The following CACNA2D4 variants were observed in gnomAD, a reference collection of about 807,000 sequenced individuals.
CACNA2D4 encodes calcium voltage-gated channel auxiliary subunit alpha2delta 4.
CACNA2D4 carries 157 observed loss-of-function variants against 163.8 expected under a neutral mutation model. That is an observed-to-expected ratio of 0.96 (90% CI 0.84 to 1.09). CACNA2D4 has a LOEUF of 1.09. CACNA2D4 is among the 50% of genes least tolerant of loss of function. The pLI, the probability that CACNA2D4 is intolerant of heterozygous loss-of-function variation, is 0.00. For missense variants in CACNA2D4, 1,410 were observed against 1,479.9 expected (o/e 0.95, Z 0.78); for synonymous variants, 598 against 586.9 (o/e 1.02, Z -0.27).
At chr12:1,904,255 G>C (rs1866604367) in intron 6 of CACNA2D4, among the ~76,000 whole-genome samples, 1 of 151,714 alleles carries the variant, frequency 6.6e-6, no homozygotes, top group African/African-American at 2.4e-5. Flanking sequence ...GAAGTGGGAT[G>C]GTTAATGGGT....
intron 23 of CACNA2D4, among the ~76,000 whole-genome samples, chr12:1,853,198 C>G (rs1158796941): frequency 6.6e-5 from 10 of 152,076 alleles, no homozygotes; most frequent in Non-Finnish European, 1.3e-4. Flanking sequence ...TAGATGTTAT[C>G]TATATAATCC....
intron 23 of CACNA2D4, among the ~76,000 whole-genome samples, chr12:1,847,511 G>C (rs1865173992): frequency 6.6e-6 from 1 of 152,170 alleles, no homozygotes; most frequent in Non-Finnish European, 1.5e-5. Flanking sequence ...AAATCACTGA[G>C]GGAAAGGGTC....
Position 1,882,916 on chromosome 12 carries a change from A to G in CACNA2D4, c.1436T>C (p.Ile479Thr), listed in dbSNP as rs756823706. The G allele has an allele frequency of 1.2e-6, 2 of 1,613,566 alleles. No individual in the cohort carries two copies. The highest frequency in any genetic ancestry group is 1.7e-6 in the Non-Finnish European group (2 of 1,179,764). ...YLHVLSRPMVINHDHDIIWTE... is the reference protein window; with the variant it reads ...YLHVLSRPMVTNHDHDIIWTE... ...CCAGATGATGTCGTGGTCGTGGTTGATGACCATGGGGCGGCTGAGCACGTG... is the reference window on the plus strand; with the variant it reads ...CCAGATGATGTCGTGGTCGTGGTTGGTGACCATGGGGCGGCTGAGCACGTG... Residue 479 changes from isoleucine (I) to threonine (T), a missense_variant, in exon 13 of 38, where the codon ATC (isoleucine) becomes ACC (threonine). Physicochemically the swap from Ile to Thr is moderately conservative, Grantham distance 89. Coordinates refer to ENST00000382722, the MANE Select transcript of CACNA2D4 (RefSeq NM_172364.5).
rs576466532 is a variant in CACNA2D4 at position 1,884,496 on chromosome 12, C to T, written c.1273-175G>A. Among the ~76,000 whole-genome samples, 19 of 152,258 alleles carry T rather than the reference C, an allele frequency of 1.2e-4. No homozygotes were observed. The South Asian group carries it at 2.7e-3, about 22-fold the overall frequency. On this transcript the variant is annotated intron_variant, in intron 11 of 37. Transcript: ENST00000382722. ...AATTCGCCCAGGGCCATGGGGACTG[C>T]GGGTAGGTGCAAGGCTGAGATTTAC...
At chr12:1,813,920 C>G (rs184541479) in intron 26 of CACNA2D4, among the ~76,000 whole-genome samples, 4 of 152,310 alleles carry the variant, frequency 2.6e-5, no homozygotes, top group Admixed American at 6.5e-5. Context: ...ATGTGCCCCT[C>G]TAAGGTTGCG....
At chr12:1,813,532 ATTAAC>A (rs1448208227) in intron 26 of CACNA2D4, among the ~76,000 whole-genome samples, 2 of 152,300 alleles carry the variant, frequency 1.3e-5, no homozygotes, top group Admixed American at 1.3e-4. Context: ...GTTAATTTTA[ATTAAC>A]TTAAATTTAA....
Position 1,802,653 on chromosome 12 carries a change from G to A in CACNA2D4, c.2722-1009C>T, listed in dbSNP as rs953826090. On this transcript the variant is annotated intron_variant, in intron 29 of 37. Transcript: ENST00000382722. The surrounding 1 kb of genome is among the most constrained non-coding windows in gnomAD (Gnocchi z 4.7). Reference sequence around the variant, plus strand: ...TAAAAATTGGGGATAGCGTGTGTCCGGCGTGTGGCTCCCAGTAAATACTTG... The same window carrying A: ...TAAAAATTGGGGATAGCGTGTGTCCAGCGTGTGGCTCCCAGTAAATACTTG... Among the ~76,000 whole-genome samples, 4 of 152,222 alleles carry A rather than the reference G, an allele frequency of 2.6e-5. No individual in the cohort carries two copies. The highest frequency in any genetic ancestry group is 3.8e-4 in the East Asian group (2 of 5,204).
chr12:1,911,008 T>C (rs1036214344), intron 3 of CACNA2D4, among the ~76,000 whole-genome samples: 1 of 150,870 alleles, frequency 6.6e-6, no homozygotes, highest in African/African-American at 2.5e-5. Context: ...CACCTGTATT[T>C]TACCGCAATA....
Position 1,907,547 on chromosome 12 carries a change from T to C in CACNA2D4, c.674A>G (p.Tyr225Cys), listed in dbSNP as rs1460777510. The C allele has an allele frequency of 2.5e-6, 4 of 1,613,040 alleles. No homozygotes were observed. The highest frequency in any genetic ancestry group is 2.5e-6 in the Non-Finnish European group (3 of 1,179,162). The change falls in exon 6 of 38, where the codon TAC (tyrosine) becomes TGC (cysteine). Residue 225 changes from tyrosine to cysteine, a missense_variant. Physicochemically the swap from Tyr to Cys is radical, Grantham distance 194. Coordinates refer to ENST00000382722, the MANE Select transcript of CACNA2D4 (RefSeq NM_172364.5). ...NKDPDILNGV[Y>C]MSEALNAVFV... ...GACAGCATTCAAGGCTTCAGACATGTAGACTCCATTTAAAATATCTGGGTC... is the reference window on the plus strand; with the variant it reads ...GACAGCATTCAAGGCTTCAGACATGCAGACTCCATTTAAAATATCTGGGTC...
chr12:1,833,030 C>T lies in CACNA2D4; in HGVS notation c.2551+7709G>A, dbSNP rs112289389. On this transcript the variant is annotated intron_variant, in intron 26 of 37. Coordinates refer to ENST00000382722, the MANE Select transcript of CACNA2D4 (RefSeq NM_172364.5). The surrounding 1 kb of genome is among the most constrained non-coding windows in gnomAD (Gnocchi z 4.2). ...TGTCAGCCGCACAGGGGAACTAGGC[C>T]GGGTGTCTTCAGACCCTCCTCTCCT... 5.7e-3 allele frequency among the ~76,000 whole-genome samples: 868 copies of T among 152,246 alleles called. 4 individuals are homozygous for T. Among genetic ancestry groups the T allele is most frequent in the Non-Finnish European group, 7.1e-3 (485 of 68,016 alleles).
rs1407956818 is a variant in CACNA2D4 at position 1,828,878 on chromosome 12, G to T, written c.2551+11861C>A. On this transcript the variant is annotated intron_variant, in intron 26 of 37. Transcript: ENST00000382722. The surrounding 1 kb of genome is among the most constrained non-coding windows in gnomAD (Gnocchi z 4.2). The stretch of plus-strand genomic sequence containing the variant: ...GCTGTCAGGGTGAAAGGAGCCCTGA[G>T]AATTCTCTTTATATGTGGCAAAGGG... Among the ~76,000 whole-genome samples, 1 of 152,214 alleles carries T rather than the reference G, an allele frequency of 6.6e-6. No homozygotes were observed. The highest frequency in any genetic ancestry group is 2.1e-4 in the South Asian group (1 of 4,830).
In CACNA2D4 at chr12:1,802,715, G is replaced by A. The variant is rs1025965941; in HGVS notation, c.2722-1071C>T. On this transcript the variant is annotated intron_variant, in intron 29 of 37. Coordinates refer to ENST00000382722, the MANE Select transcript of CACNA2D4 (RefSeq NM_172364.5). This position sits in a 1 kb window ranked among gnomAD's most constrained non-coding sequence, Gnocchi z 4.7. ...CCATCGTTAGGAGGAGAGGTCCGGG[G>A]TCCGGCTTGGCTGTTCTCCCTGCCG... Among the ~76,000 whole-genome samples, 7 of 152,218 alleles carry A rather than the reference G, an allele frequency of 4.6e-5. No individual in the cohort carries two copies. Among genetic ancestry groups the A allele is most frequent in the African/African-American group, 1.7e-4 (7 of 41,454 alleles).
rs1287942739 is a variant in CACNA2D4 at position 1,896,648 on chromosome 12, C to CAA, written c.782-9580_782-9579insTT. On this transcript the variant is annotated intron_variant, in intron 6 of 37. Transcript: ENST00000382722. ...ACACACACACACACACACACACACACACACACAAAACAGATGCTAGCAAGG... is the reference window on the plus strand; with the variant it reads ...ACACACACACACACACACACACACACAAACACACAAAACAGATGCTAGCAAGG... Among the ~76,000 whole-genome samples, 217 of 136,658 alleles carry CAA rather than the reference C, an allele frequency of 1.6e-3. 4 individuals carry two copies. The highest frequency in any genetic ancestry group is 5.0e-3 in the African/African-American group (173 of 34,744). The allele number at this position is 136,658 out of a possible 152,430, so 89.7% of individuals were successfully genotyped here.
chr12:1,908,122 G>A (rs1465946026), intron 4 of CACNA2D4, 85 bp from the exon 5 acceptor site: 2 of 1,389,668 alleles, frequency 1.4e-6, no homozygotes, highest in East Asian at 2.3e-5. Context: ...GCAGGTGAGA[G>A]GACGAGAGGG....
rs970548521 is a variant in CACNA2D4 at position 1,813,371 on chromosome 12, A to G, written c.2552-1648T>C. On this transcript the variant is annotated intron_variant, in intron 26 of 37. Coordinates refer to ENST00000382722, the MANE Select transcript of CACNA2D4 (RefSeq NM_172364.5). Reference sequence around the variant, plus strand: ...CTAGTCCAGGCACTATATTTAGGGAACCCCCGTCCTAAAGCCTCACCAATT... The same window carrying G: ...CTAGTCCAGGCACTATATTTAGGGAGCCCCCGTCCTAAAGCCTCACCAATT... 3.3e-5 allele frequency among the ~76,000 whole-genome samples: 5 copies of G among 151,858 alleles called. No homozygotes were observed. In the South Asian group the frequency reaches 8.3e-4, roughly 25 times the overall value.
At chr12:1,904,446 C>T (rs576218385) in intron 6 of CACNA2D4, among the ~76,000 whole-genome samples, 1 of 151,900 alleles carries the variant, frequency 6.6e-6, no homozygotes, top group Non-Finnish European at 1.5e-5. Context: ...GATTATTACA[C>T]ATTGTATGCC....
intron 26 of CACNA2D4, among the ~76,000 whole-genome samples, chr12:1,825,783 A>C (rs1864290188): frequency 6.6e-6 from 1 of 152,176 alleles, no homozygotes; most frequent in African/African-American, 2.4e-5. Context: ...CTGCTGGGTG[A>C]CAGTCGCCAG....
intron 37 of CACNA2D4, among the ~76,000 whole-genome samples, chr12:1,794,486 C>T (rs370267577): frequency 1.3e-4 from 20 of 152,172 alleles, no homozygotes; most frequent in East Asian, 1.9e-4. Context: ...ACAAGGTGGC[C>T]GTCACTTCAG....
rs767991383 is a variant in CACNA2D4, at chr12:1,913,022, C to T, written c.426+1G>A. On this transcript the variant is annotated splice_donor_variant, in intron 3 of 37. Transcript: ENST00000382722. LOFTEE classifies it high-confidence loss of function. ...CCCTGCAGATCACAGGCCTGGAGTA[C>T]CTGGACCGCCTCGACTTTCCTCCGC... 2 of 1,605,366 alleles carry T rather than the reference C, an allele frequency of 1.2e-6. No individual in the cohort carries two copies. Among genetic ancestry groups the T allele is most frequent in the African/African-American group, 2.7e-5 (2 of 74,724 alleles).
Sources: allele counts gnomAD v4.1 joint callset (sites outside exome capture counted in the v4.1 genomes callset), GRCh38; gene constraint gnomAD v4.1.1; non-coding constraint Gnocchi (gnomAD v3.1); transcripts MANE v1.5; gene names NCBI Gene and HGNC (gene_info 2026-07-23, HGNC 2026-07-21).